Variants in PBLD observed in about 807,000 individuals in gnomAD.
PBLD encodes phenazine biosynthesis-like domain-containing protein.
Under a neutral mutation model 31.3 loss-of-function variants are expected in PBLD, and 26 were observed. The ratio of observed to expected loss-of-function variants is 0.83; its 90% CI spans 0.61 to 1.15. The LOEUF is 1.15. Among genes scored for constraint, PBLD ranks in the 50% most tolerant of loss-of-function variants. The pLI is 0.00. For synonymous variants in PBLD, 114 were observed against 129.0 expected, an observed-to-expected ratio of 0.88 and a Z score of 0.79; for missense variants, 307 against 351.7, an observed-to-expected ratio of 0.87 and a Z score of 1.02.
chr10:68,331,253 T>G (rs2045070854), intron 1 of PBLD: 1 of 152,144 alleles, frequency 6.6e-6, no homozygotes, highest in South Asian at 2.1e-4. Context: ...TAGGTGTCAC[T>G]TGGAAGCGCA....
rs571239173 is a variant in PBLD at position 68,310,676 on chromosome 10, C to A, written c.-59-3773G>T. Among the ~76,000 whole-genome samples, 8 of 147,992 alleles carry A rather than the reference C, an allele frequency of 5.4e-5. 1 individual carries two copies. The highest frequency in any genetic ancestry group is 1.5e-4 in the African/African-American group (6 of 40,354). ...TCTACAGTGTCAACTTTCTTAGATT[C>A]CTCACTGAGTGAGATTATGCAGTAT... On this transcript the variant is annotated intron_variant, in intron 1 of 9. Coordinates refer to ENST00000358769, the MANE Select transcript of PBLD (RefSeq NM_022129.4).
In PBLD at chr10:68,291,928, T is replaced by A. The variant is rs1382345149; in HGVS notation, c.423+82A>T. On this transcript the variant is annotated intron_variant, in intron 6 of 9. Transcript: ENST00000358769. ...AACATTTATATTGGTAAAATGCCTA[T>A]CTTTGTGGATCAAATGATACCAAAT... is the stretch of plus-strand genomic sequence containing the variant. 3.6e-6 allele frequency: 5 copies of A among 1,388,224 alleles called. No individual in the cohort carries two copies. In the Admixed American group the frequency reaches 9.4e-5, roughly 26 times the overall value. The allele number at this position is 1,388,224 out of a possible 1,614,324, so 86.0% of individuals were successfully genotyped here.
intron 3 of PBLD, 105 bp from the exon 4 acceptor site, chr10:68,296,469 G>T: frequency 2.6e-6 from 2 of 765,576 alleles, no homozygotes; most frequent in South Asian, 1.8e-5. Flanking sequence ...ATGATGAGTA[G>T]CCAAAACATG....
intron 8 of PBLD, 82 bp from the exon 9 acceptor site, chr10:68,285,492 A>G (rs1318471309): frequency 1.3e-6 from 2 of 1,522,612 alleles, no homozygotes; most frequent in South Asian, 2.6e-5. Flanking sequence ...AATTACAATC[A>G]ATTATCCAGT....
chr10:68,328,675 A>G (rs555285858), intron 1 of PBLD, among the ~76,000 whole-genome samples: 1 of 152,326 alleles, frequency 6.6e-6, no homozygotes, highest in Non-Finnish European at 1.5e-5. Flanking sequence ...AACCATCTCT[A>G]TGGAAACAAT....
chr10:68,293,535 TG>T (rs2044386147), intron 4 of PBLD, among the ~76,000 whole-genome samples: 1 of 152,214 alleles, frequency 6.6e-6, no homozygotes, highest in African/African-American at 2.4e-5. Flanking sequence ...AGCATAAAAT[TG>T]ACATTCAGAA....
chr10:68,299,106 CAAAAAAAAAAAA>C (rs35915509), intron 2 of PBLD, among the ~76,000 whole-genome samples: 1 of 78,986 alleles, frequency 1.3e-5, no homozygotes, highest in East Asian at 3.8e-4. Context: ...GAGTCCGTCT[CAAAAAAAAAAAA>C]AAAAAAAAAA....
chr10:68,306,750 C>T lies in PBLD; in HGVS notation c.84+11G>A, dbSNP rs368328979. ...AATTTCAGGTACTGTAATTCAAAAC[C>T]AAGCACTTACATTTTCTAGGAGGCA... is the stretch of plus-strand genomic sequence containing the variant. On this transcript the variant is annotated intron_variant, in intron 2 of 9. Coordinates refer to ENST00000358769, the MANE Select transcript of PBLD (RefSeq NM_022129.4). 8.3e-5 allele frequency: 133 copies of T among 1,608,968 alleles called. No homozygotes were observed. Among genetic ancestry groups the T allele is most frequent in the Middle Eastern group, 8.2e-4 (5 of 6,066 alleles).
intron 1 of PBLD, among the ~76,000 whole-genome samples, chr10:68,318,874 T>C (rs1296165187): frequency 6.6e-6 from 1 of 151,504 alleles, no homozygotes; most frequent in Non-Finnish European, 1.5e-5. Flanking sequence ...ACAGCTGCAG[T>C]GAGGTATGAT....
chr10:68,329,331 C>A (rs541752990), intron 1 of PBLD, among the ~76,000 whole-genome samples: 1 of 150,562 alleles, frequency 6.6e-6, no homozygotes, highest in South Asian at 2.1e-4. Context: ...AAGCAAGCAG[C>A]AGTTTGGTAG....
At chr10:68,289,218 C>A (rs1235981976) in intron 6 of PBLD, among the ~76,000 whole-genome samples, 199 bp from the exon 7 acceptor site, 1 of 152,122 alleles carries the variant, frequency 6.6e-6, no homozygotes, top group Non-Finnish European at 1.5e-5. Context: ...ACCAAAGAGG[C>A]CTCTGTGAGC....
chr10:68,298,351 T>C lies in PBLD; in HGVS notation c.85-1366A>G, dbSNP rs1433259587. Reference sequence around the variant, plus strand: ...AGGCACATGCCTATAATCCCAGCACTTTGGGAGGCTCATGCCTATAATGCC... The same window carrying C: ...AGGCACATGCCTATAATCCCAGCACCTTGGGAGGCTCATGCCTATAATGCC... On this transcript the variant is annotated intron_variant, in intron 2 of 9. Coordinates refer to ENST00000358769, the MANE Select transcript of PBLD (RefSeq NM_022129.4). Among the ~76,000 whole-genome samples, 3 of 151,566 alleles carry C rather than the reference T, an allele frequency of 2.0e-5. No homozygotes were observed. The East Asian group carries it at 5.9e-4, about 30-fold the overall frequency.
At chr10:68,310,416 T>G (rs1421977130) in intron 1 of PBLD, among the ~76,000 whole-genome samples, 1 of 148,488 alleles carries the variant, frequency 6.7e-6, no homozygotes, top group Admixed American at 6.9e-5. Context: ...TCTAGCTAAT[T>G]AACAAATGCA....
intron 1 of PBLD, among the ~76,000 whole-genome samples, chr10:68,319,238 T>C (rs1459864526): frequency 1.3e-5 from 2 of 148,726 alleles, no homozygotes; most frequent in East Asian, 3.9e-4. Flanking sequence ...AAGAAGGCAG[T>C]AATGCAGGAG....
At chr10:68,286,085 C>CTTTTTTTTTTTTTT (rs71009034) in intron 8 of PBLD, among the ~76,000 whole-genome samples, 1 of 103,422 alleles carries the variant, frequency 9.7e-6, no homozygotes, top group Non-Finnish European at 1.8e-5. Flanking sequence ...TTGAATAATT[C>CTTTTTTTTTTTTTT]TTTTTTTTTT....
intron 1 of PBLD, among the ~76,000 whole-genome samples, chr10:68,308,127 T>C (rs539392845): frequency 6.6e-6 from 1 of 152,262 alleles, no homozygotes; most frequent in Non-Finnish European, 1.5e-5. Flanking sequence ...TAAAATAGCG[T>C]AATTCAAGGG....
intron 6 of PBLD, among the ~76,000 whole-genome samples, chr10:68,289,493 G>A (rs893656773): frequency 6.6e-6 from 1 of 151,952 alleles, no homozygotes; most frequent in Non-Finnish European, 1.5e-5. Context: ...TCACTTGGCC[G>A]AGATCGCACC....
intron 6 of PBLD, among the ~76,000 whole-genome samples, chr10:68,290,504 G>A (rs1282012773): frequency 6.6e-6 from 1 of 152,128 alleles, no homozygotes; most frequent in African/African-American, 2.4e-5. Flanking sequence ...GATCACCTGA[G>A]CTCAGGAGTT....
intron 2 of PBLD, among the ~76,000 whole-genome samples, chr10:68,302,149 G>T (rs2044513527): frequency 6.6e-6 from 1 of 152,170 alleles, no homozygotes; most frequent in Non-Finnish European, 1.5e-5. Flanking sequence ...TTTACACTAG[G>T]AGCTTCTTTT....
Sources: gnomAD v4.1 joint callset for allele counts (sites outside exome capture counted in the v4.1 genomes callset) on GRCh38, gnomAD v4.1.1 for gene constraint, MANE v1.5 for transcripts, NCBI Gene and HGNC (gene_info 2026-07-23, HGNC 2026-07-21) for gene names.